The following KCNIP1 variants were observed in gnomAD, a reference collection of about 807,000 sequenced individuals.
KCNIP1 encodes the protein A-type potassium channel modulatory protein KCNIP1.
In KCNIP1, 18 loss-of-function variants were observed where a neutral mutation model predicts 33.0. The ratio of observed to expected loss-of-function variants is 0.55; its 90% CI spans 0.38 to 0.81. The LOEUF is 0.81. Among genes scored for constraint, KCNIP1 ranks in the 30% least tolerant of loss-of-function variants. The pLI is 0.00. For synonymous variants in KCNIP1, 93 were observed against 98.3 expected (o/e 0.95, Z 0.32); for missense variants, 238 against 271.6 (o/e 0.88, Z 0.87).
rs1478282176 is a variant in KCNIP1 at position 170,478,164 on chromosome 5, AG to A, written c.88+124202del. ...GAGGCAACAGTGGTCAAATGATAGA[AG>A]GCCTGGGGCGGGAAGGGGCAGGTAA... On this transcript the variant is annotated intron_variant, in intron 1 of 7. Transcript: ENST00000377360. 2.0e-5 allele frequency among the ~76,000 whole-genome samples: 3 copies of A among 152,326 alleles called. No individual in the cohort carries two copies. In the South Asian group the frequency reaches 6.2e-4, roughly 32 times the overall value.
chr5:170,464,042 C>CT (rs888265476), intron 1 of KCNIP1, among the ~76,000 whole-genome samples: 1 of 124,498 alleles, frequency 8.0e-6, no homozygotes, highest in Non-Finnish European at 1.8e-5. Context: ...AACAATCCCA[C>CT]TTACAATAGC....
At position 170,659,654 on chromosome 5, in the gene KCNIP1, G is replaced by C. The variant is rs377603562; in HGVS notation, c.62-59104G>C. ...TCTTAAGAATTTGCAGAGGCAGTGA[G>C]GAGTTAACATGCACAGCTCAGGGAA... On this transcript the variant is annotated intron_variant, in intron 1 of 7. Coordinates refer to ENST00000328939, the MANE Select transcript of KCNIP1 (RefSeq NM_014592.4). Among the ~76,000 whole-genome samples, 40 of 152,254 alleles carry C rather than the reference G, an allele frequency of 2.6e-4. No homozygotes were observed. In the East Asian group the frequency reaches 7.5e-3, roughly 29 times the overall value.
At chr5:170,546,528 T>C (rs2113397307) in intron 1 of KCNIP1, among the ~76,000 whole-genome samples, 1 of 152,322 alleles carries the variant, frequency 6.6e-6, no homozygotes, top group Admixed American at 6.5e-5. Flanking sequence ...AACCTCTGCT[T>C]GGGCCAATGC....
chr5:170,722,485 G>A (rs113203745), intron 4 of KCNIP1, among the ~76,000 whole-genome samples: 63 of 151,566 alleles, frequency 4.2e-4, no homozygotes, highest in African/African-American at 1.5e-3. Flanking sequence ...GTCTCTCAGA[G>A]CTCCATTCTT....
At chr5:170,472,925 C>T (rs1259099497) in intron 1 of KCNIP1, among the ~76,000 whole-genome samples, 1 of 152,100 alleles carries the variant, frequency 6.6e-6, no homozygotes, top group Non-Finnish European at 1.5e-5. Flanking sequence ...ATAAAGACTT[C>T]TTTTCCTCTG....
At chr5:170,392,805 C>A (rs1161864751) in intron 1 of KCNIP1, among the ~76,000 whole-genome samples, 1 of 152,160 alleles carries the variant, frequency 6.6e-6, no homozygotes, top group African/African-American at 2.4e-5. Flanking sequence ...GCCTGGGCGA[C>A]AGAGTGAGAC....
At chr5:170,450,785 C>T (rs1323536044) in intron 1 of KCNIP1, among the ~76,000 whole-genome samples, 1 of 152,158 alleles carries the variant, frequency 6.6e-6, no homozygotes, top group South Asian at 2.1e-4. Flanking sequence ...AGGATCCCTT[C>T]CATTTTGAGG....
chr5:170,510,140 G>A (rs1035676718), intron 1 of KCNIP1, among the ~76,000 whole-genome samples: 11 of 152,104 alleles, frequency 7.2e-5, no homozygotes, highest in South Asian at 2.1e-4. Flanking sequence ...CAATGCCACC[G>A]CTCTGGGAAG....
chr5:170,381,496 C>T (rs876682), intron 1 of KCNIP1, among the ~76,000 whole-genome samples: 68,815 of 152,066 alleles, frequency 0.45, 16,370 homozygotes, highest in African/African-American at 0.6. Context: ...GAGCCCCAGC[C>T]ACTTGAACCC....
chr5:170,396,100 A>G lies in KCNIP1; in HGVS notation c.88+42136A>G, dbSNP rs138306100. ...TGTCTTTTTGGAGAGCTGTTTTGCCAGCACACCACTTTAGAGGATACACTT... is the reference window on the plus strand; with the variant it reads ...TGTCTTTTTGGAGAGCTGTTTTGCCGGCACACCACTTTAGAGGATACACTT... On this transcript the variant is annotated intron_variant, in intron 1 of 7. Transcript: ENST00000377360. Among the ~76,000 whole-genome samples, 56 of 152,364 alleles carry G rather than the reference A, an allele frequency of 3.7e-4. 1 individual carries two copies. In the East Asian group the frequency reaches 9.1e-3, roughly 25 times the overall value.
rs1482915256 is a variant in KCNIP1 at position 170,483,072 on chromosome 5, G to T, written c.88+129108G>T. ...TTTCCAAGGACAGATGGAGTCAAAA[G>T]TGGAACTGGGGCCCGCAGAGCCGGA... On this transcript the variant is annotated intron_variant, in intron 1 of 7. Transcript: ENST00000377360. The T allele has an allele frequency of 8.8e-6, 4 of 454,730 alleles. No homozygotes were observed. In the East Asian group the frequency reaches 2.8e-4, roughly 32 times the overall value. 28.2% of individuals were successfully genotyped at this position (454,730 alleles called of 1,614,324 possible). A position where few individuals can be genotyped will look rare whatever the true frequency, so the allele number is the denominator to read the frequency against.
chr5:170,382,892 G>T (rs1383795278), intron 1 of KCNIP1: 1 of 152,642 alleles, frequency 6.6e-6, no homozygotes, highest in African/African-American at 2.4e-5. Flanking sequence ...GACACAGGAG[G>T]TGCTCAATGG....
At chr5:170,591,366 G>A (rs1758253096) in intron 1 of KCNIP1, among the ~76,000 whole-genome samples, 4 of 59,312 alleles carry the variant, frequency 6.7e-5, no homozygotes, top group African/African-American at 2.7e-4. Context: ...TTAGCTTGCT[G>A]AAGAGGAAAG....
intron 1 of KCNIP1, among the ~76,000 whole-genome samples, chr5:170,498,870 GGTGTAC>G (rs2113218391): frequency 1.3e-5 from 2 of 152,284 alleles, no homozygotes; most frequent in South Asian, 4.1e-4. Context: ...CTAACGGCCA[GGTGTAC>G]ATACCAGGGG....
intron 1 of KCNIP1, among the ~76,000 whole-genome samples, chr5:170,409,731 G>T (rs1755132046): frequency 6.6e-6 from 1 of 152,184 alleles, no homozygotes; most frequent in Non-Finnish European, 1.5e-5. Context: ...GTTCTACAAA[G>T]TATTCACATG....
chr5:170,430,575 C>T (rs1755717878), intron 1 of KCNIP1, among the ~76,000 whole-genome samples: 1 of 152,168 alleles, frequency 6.6e-6, no homozygotes, highest in Admixed American at 6.5e-5. Context: ...TAGCACTTAA[C>T]ATTGCTTGGT....
At chr5:170,503,744 A>ACACGCACGCACAT (rs1428930460), upstream of KCNIP1, among the ~76,000 whole-genome samples, 2 of 150,152 alleles carry the variant, frequency 1.3e-5, no homozygotes, top group Admixed American at 6.6e-5. Context: ...ACACACACAC[A>ACACGCACGCACAT]CACACACACA....
At position 170,371,977 on chromosome 5, in the gene KCNIP1, A is replaced by G. The variant is rs557362643; in HGVS notation, c.88+18013A>G. ...ACTGGGTGTCCTACAATTTAATTCA[A>G]TTCTGACACTAACTACCCAGAGTTA... is the stretch of plus-strand genomic sequence containing the variant. On this transcript the variant is annotated intron_variant, in intron 1 of 7. Transcript: ENST00000377360. Among the ~76,000 whole-genome samples, 27 of 152,278 alleles carry G rather than the reference A, an allele frequency of 1.8e-4. No homozygotes were observed. In the South Asian group the frequency reaches 4.6e-3, roughly 26 times the overall value.
chr5:170,701,699 G>C (rs989991329), intron 1 of KCNIP1, among the ~76,000 whole-genome samples: 1 of 152,188 alleles, frequency 6.6e-6, no homozygotes, highest in African/African-American at 2.4e-5. Flanking sequence ...CCCATGAGTG[G>C]GGAGGAAACT....
Sources: allele counts gnomAD v4.1 joint callset (sites outside exome capture counted in the v4.1 genomes callset), GRCh38; gene constraint gnomAD v4.1.1; transcripts MANE v1.5; gene names NCBI Gene and HGNC (gene_info 2026-07-23, HGNC 2026-07-21).